The following PCDHGB4 variants were observed in gnomAD, a reference collection of about 807,000 sequenced individuals.
The protein encoded by PCDHGB4 is protocadherin gamma-B4.
A neutral mutation model predicts 60.5 loss-of-function variants in PCDHGB4; 38 were observed. That is an observed-to-expected ratio of 0.63 (90% CI 0.48 to 0.82). The LOEUF (loss-of-function observed/expected upper bound fraction) is 0.82, where lower values mean the gene tolerates loss of function less well. Ranked by LOEUF, PCDHGB4 falls within the 40% of genes least tolerant of loss-of-function variation. The probability of loss-of-function intolerance (pLI) is 0.00; values close to 1 mark genes in which losing one functional copy is unlikely to be tolerated. For missense variants in PCDHGB4, 1,109 were observed against 1,209.6 expected (o/e 0.92, Z 1.23); for synonymous variants, 456 against 509.7 (o/e 0.89, Z 1.42).
intron 1 of PCDHGB4, among the ~76,000 whole-genome samples, chr5:141,460,983 GTATA>G (rs59296681): frequency 0.024 from 3,365 of 137,748 alleles, 55 homozygotes; most frequent in African/African-American, 0.035. Flanking sequence ...GTGTGTGTGT[GTATA>G]TATATATATG....
chr5:141,474,566 G>A (rs2154572064), intron 1 of PCDHGB4, among the ~76,000 whole-genome samples: 1 of 152,336 alleles, frequency 6.6e-6, no homozygotes, highest in Non-Finnish European at 1.5e-5. Flanking sequence ...GGTTTTCAGA[G>A]ATTAATTGAA....
chr5:141,421,760 A>G, intron 1 of PCDHGB4: 1 of 1,613,868 alleles, frequency 6.2e-7, no homozygotes, highest in South Asian at 1.1e-5. Context: ...CCTAATAATT[A>G]CTTTTCCTTG....
intron 1 of PCDHGB4, chr5:141,403,277 C>G (rs2094385466): frequency 6.2e-7 from 1 of 1,613,750 alleles, no homozygotes; most frequent in Admixed American, 1.7e-5. Context: ...CTTTAAAGTC[C>G]TGGTTGAAGA....
At chr5:141,422,617 G>T (rs758903894) in intron 1 of PCDHGB4, 3 of 1,613,524 alleles carry the variant, frequency 1.9e-6, no homozygotes, top group Non-Finnish European at 2.5e-6. Context: ...CTACATTCCC[G>T]AAAACAACCC....
Position 141,487,246 on chromosome 5 carries a change from C to T in PCDHGB4, c.2398-7561C>T. 1 of 1,614,166 alleles carries T rather than the reference C, an allele frequency of 6.2e-7. No individual in the cohort carries two copies. The highest frequency in any genetic ancestry group is 8.5e-7 in the Non-Finnish European group (1 of 1,180,014). ...GGGAAGGAGAATCTCGTCTAACCCTCTACTTGGCTGTGTCCCTAGTGGCAA... is the reference window on the plus strand; with the variant it reads ...GGGAAGGAGAATCTCGTCTAACCCTTTACTTGGCTGTGTCCCTAGTGGCAA... On this transcript the variant is annotated intron_variant, in intron 1 of 3. Coordinates refer to ENST00000519479, the MANE Select transcript of PCDHGB4 (RefSeq NM_003736.4). This position sits in a 1 kb window ranked among gnomAD's most constrained non-coding sequence, Gnocchi z 5.0.
chr5:141,511,641 A>C lies in PCDHGB4; in HGVS notation c.*468A>C. On this transcript the variant is annotated 3_prime_UTR_variant, in exon 4 of 4. Transcript: ENST00000519479. ...TCTGAAAAGTTGGAAGGGCATCATG[A>C]CCTCTTGGCCTCTCCTTTGATTCTC... 1 of 224,930 alleles carries C rather than the reference A, an allele frequency of 4.4e-6. No homozygotes were observed. The allele number at this position is 224,930 out of a possible 1,614,324, so 13.9% of individuals were successfully genotyped here. A position where few individuals can be genotyped will look rare whatever the true frequency, so the allele number is the denominator to read the frequency against.
At position 141,491,137 on chromosome 5, in the gene PCDHGB4, GC is replaced by G. The variant is rs1373404184; in HGVS notation, c.2398-3668del. ...CACTGGTGAGGTGCGCACAGCCCGG[GC>G]CTTACTGGAGGATGACTCTGACACC... On this transcript the variant is annotated intron_variant, in intron 1 of 3. Transcript: ENST00000519479. This position sits in a 1 kb window ranked among gnomAD's most constrained non-coding sequence, Gnocchi z 6.9. The G allele has an allele frequency of 1.2e-6, 2 of 1,614,156 alleles. No individual in the cohort carries two copies. Among genetic ancestry groups the G allele is most frequent in the Non-Finnish European group, 1.7e-6 (2 of 1,180,008 alleles).
At chr5:141,507,016 G>C (rs913170594) in intron 3 of PCDHGB4, 1 of 152,166 alleles carries the variant, frequency 6.6e-6, no homozygotes, top group African/African-American at 2.4e-5. Context: ...AACCGAGAAG[G>C]CACTTGCCCC....
chr5:141,413,180 C>CCGCTCAAAGGAAT (rs760676891), intron 1 of PCDHGB4: 75 of 1,602,494 alleles, frequency 4.7e-5, no homozygotes, highest in Non-Finnish European at 6.1e-5. Flanking sequence ...ACTACAATGG[C>CCGCTCAAAGGAAT]CGCTCAAAGG....
intron 1 of PCDHGB4, chr5:141,404,334 T>TC: frequency 6.2e-7 from 1 of 1,613,882 alleles, no homozygotes; most frequent in Non-Finnish European, 8.5e-7. Context: ...TCAGTCTACC[T>TC]CCCGGAAAAC....
intron 1 of PCDHGB4, among the ~76,000 whole-genome samples, chr5:141,482,530 C>CGAAAAAAA (rs2099566141): frequency 1.3e-5 from 1 of 76,562 alleles, no homozygotes; most frequent in African/African-American, 4.8e-5. Context: ...GACAGACATG[C>CGAAAAAAA]AAAAAAAAAA....
chr5:141,425,528 C>CA (rs890632943), intron 1 of PCDHGB4, among the ~76,000 whole-genome samples: 1 of 152,200 alleles, frequency 6.6e-6, no homozygotes, highest in African/African-American at 2.4e-5. Context: ...AAACATGAAA[C>CA]AATAATCCTT....
intron 1 of PCDHGB4, chr5:141,409,922 T>C (rs752487198): frequency 1.2e-6 from 2 of 1,613,182 alleles, no homozygotes; most frequent in African/African-American, 2.7e-5. Context: ...CGGCTCCGCG[T>C]TCTTCGATAT....
rs776219135 is a variant in PCDHGB4, at chr5:141,403,980, A to G, written c.2397+13699A>G. ...ATTTCGGTGGAAGATGTAAATGACA[A>G]TAGACCTGAAGTGACCATTACATCT... On this transcript the variant is annotated intron_variant, in intron 1 of 3. Coordinates refer to ENST00000519479, the MANE Select transcript of PCDHGB4 (RefSeq NM_003736.4). The G allele has an allele frequency of 5.0e-6, 8 of 1,613,890 alleles. No homozygotes were observed. In the South Asian group the frequency reaches 8.8e-5, roughly 18 times the overall value.
intron 1 of PCDHGB4, chr5:141,419,364 C>T (rs1360235541): frequency 1.1e-5 from 18 of 1,613,690 alleles, no homozygotes; most frequent in Non-Finnish European, 1.3e-5. Flanking sequence ...CGAACGCTGT[C>T]GTCCTACGTG....
Position 141,389,101 on chromosome 5 carries a change from C to G in PCDHGB4, c.1217C>G (p.Ala406Gly). 1 of 1,614,030 alleles carries G rather than the reference C, an allele frequency of 6.2e-7. No homozygotes were observed. Among genetic ancestry groups the G allele is most frequent in the Non-Finnish European group, 8.5e-7 (1 of 1,179,892 alleles). ...AACACGTATAAATTAGTGACAGATG[C>G]TGTTCTAGACCGCGAGCAGAATCCA... ...SRNTYKLVTDAVLDREQNPEY... is the reference protein window; with the variant it reads ...SRNTYKLVTDGVLDREQNPEY... The change falls in exon 1 of 4, where the codon GCT becomes GGT. Residue 406 changes from alanine (A) to glycine (G), a missense_variant. Ala to Gly is a moderately conservative substitution (Grantham distance 60, BLOSUM62 0). Around this residue, in one of 2 missense-constraint regions of PCDHGB4, gnomAD observed 1,068 missense variants for 1,089.9 expected, o/e 0.98. Transcript: ENST00000519479.
Position 141,511,464 on chromosome 5 carries a change from C to G in PCDHGB4, c.*291C>G. 1.9e-6 allele frequency: 1 copy of G among 538,254 alleles called. No individual in the cohort carries two copies. The highest frequency in any genetic ancestry group is 2.1e-5 in the South Asian group (1 of 47,028). The allele number at this position is 538,254 out of a possible 1,614,324, so 33.3% of individuals were successfully genotyped here. On this transcript the variant is annotated 3_prime_UTR_variant, in exon 4 of 4. Transcript: ENST00000519479. ...ACACCAAGAACCATTTGCCACACCC[C>G]GTTTAGTTACAGCTGAACTCCTCCA...
chr5:141,394,674 C>G lies in PCDHGB4; in HGVS notation c.2397+4393C>G. ...CGAGCCGGGACTCTTCTCGGTGGGT[C>G]TGCACACGGGCGAGGTGCGCACGGC... On this transcript the variant is annotated intron_variant, in intron 1 of 3. Transcript: ENST00000519479. 1 of 1,612,758 alleles carries G rather than the reference C, an allele frequency of 6.2e-7. No individual in the cohort carries two copies. The highest frequency in any genetic ancestry group is 8.5e-7 in the Non-Finnish European group (1 of 1,179,752).
chr5:141,499,689 CTTTTTTTTTTTT>C (rs545067566), intron 2 of PCDHGB4, among the ~76,000 whole-genome samples: 1 of 119,856 alleles, frequency 8.3e-6, no homozygotes, highest in Non-Finnish European at 1.7e-5. Flanking sequence ...TAACAGATGA[CTTTTTTTTTTTT>C]TTTTTTTTTT....
Sources: allele counts gnomAD v4.1 joint callset (sites outside exome capture counted in the v4.1 genomes callset), GRCh38; gene constraint gnomAD v4.1.1; regional missense constraint gnomAD v4.1.1; non-coding constraint Gnocchi (gnomAD v3.1); transcripts MANE v1.5; gene names NCBI Gene and HGNC (gene_info 2026-07-23, HGNC 2026-07-21).